The following L3HYPDH variants were observed in gnomAD, a reference collection of about 807,000 sequenced individuals.
L3HYPDH encodes trans-L-3-hydroxyproline dehydratase.
In L3HYPDH, 32 loss-of-function variants were observed where a neutral mutation model predicts 26.5. The observed-to-expected ratio is 1.21, with a 90% CI of 0.91 to 1.62. The LOEUF is 1.62. Among genes scored for constraint, L3HYPDH ranks in the 40% most tolerant of loss-of-function variants. L3HYPDH has a pLI of 0.00. For synonymous variants in L3HYPDH, 215 were observed against 196.6 expected, an observed-to-expected ratio of 1.09 and a Z score of -0.78; for missense variants, 554 against 476.4, an observed-to-expected ratio of 1.16 and a Z score of -1.52.
the L3HYPDH span, among the ~76,000 whole-genome samples, chr14:59,496,655 T>A: frequency 2.6e-5 from 4 of 152,212 alleles, no homozygotes; most frequent in Admixed American, 1.3e-4. Flanking sequence ...TTCTGCTGAT[T>A]TGAGTGTAGC....
chr14:59,478,031 AG>A (rs2139814571), intron 2 of L3HYPDH, among the ~76,000 whole-genome samples: 1 of 152,294 alleles, frequency 6.6e-6, no homozygotes, highest in East Asian at 1.9e-4. Flanking sequence ...TAAAAACTAG[AG>A]TTATTTAAGT....
intron 1 of L3HYPDH, among the ~76,000 whole-genome samples, chr14:59,466,201 C>A (rs551617556): frequency 2.4e-4 from 37 of 152,278 alleles, no homozygotes; most frequent in Admixed American, 1.8e-3. Context: ...CTGCTAGCAG[C>A]CTTCATCTGT....
Position 59,479,036 on chromosome 14 carries a change from C to G in L3HYPDH, c.678+146G>C. 4.8e-6 allele frequency: 3 copies of G among 631,172 alleles called. No individual in the cohort carries two copies. In the South Asian group the frequency reaches 9.7e-5, roughly 20 times the overall value. 39.1% of individuals were successfully genotyped at this position (631,172 alleles called of 1,614,324 possible). A position where few individuals can be genotyped will look rare whatever the true frequency, so the allele number is the denominator to read the frequency against. ...AGGCCACGGGTGGGACAAGCTTGCTCTAGAGCCTAAGATTTTAATAAGTAC... is the reference window on the plus strand; with the variant it reads ...AGGCCACGGGTGGGACAAGCTTGCTGTAGAGCCTAAGATTTTAATAAGTAC... On this transcript the variant is annotated intron_variant, in intron 2 of 4. Coordinates refer to ENST00000247194, the MANE Select transcript of L3HYPDH (RefSeq NM_144581.2).
At chr14:59,478,393 G>A (rs1889781382) in intron 2 of L3HYPDH, among the ~76,000 whole-genome samples, 1 of 152,048 alleles carries the variant, frequency 6.6e-6, no homozygotes, top group Non-Finnish European at 1.5e-5. Context: ...GTGACATCCT[G>A]TCTCTATATA....
the L3HYPDH span, chr14:59,504,279 A>AATATT: frequency 1.8e-6 from 1 of 549,414 alleles, no homozygotes; most frequent in East Asian, 3.0e-5. Context: ...TACACAGGGT[A>AATATT]ATATTATCTG....
chr14:59,504,230 T>G, the L3HYPDH span: 1 of 613,592 alleles, frequency 1.6e-6, no homozygotes. Context: ...ATGGTTAGAC[T>G]TACAGACTTG....
At chr14:59,475,362 C>T (rs994023858) in intron 4 of L3HYPDH, among the ~76,000 whole-genome samples, 1 of 152,068 alleles carries the variant, frequency 6.6e-6, no homozygotes, top group African/African-American at 2.4e-5. Flanking sequence ...CTGTTCATTA[C>T]TTCATTTTAA....
At chr14:59,501,424 A>G in the L3HYPDH span, among the ~76,000 whole-genome samples, 4 of 152,198 alleles carry the variant, frequency 2.6e-5, no homozygotes, top group Non-Finnish European at 5.9e-5. Flanking sequence ...TAACTTTATG[A>G]AAAGTTGTGT....
chr14:59,482,808 G>A (rs984862526), intron 1 of L3HYPDH, among the ~76,000 whole-genome samples: 1 of 152,180 alleles, frequency 6.6e-6, no homozygotes, highest in South Asian at 2.1e-4. Context: ...CAGATGATTT[G>A]CATGGCTTGA....
the L3HYPDH span, among the ~76,000 whole-genome samples, chr14:59,490,441 G>A: frequency 0.035 from 5,260 of 152,310 alleles, 156 homozygotes; most frequent in Middle Eastern, 0.1. Context: ...TCGTTTATTG[G>A]TGAAGGTCTG....
At chr14:59,465,556 G>A (rs940141209) in intron 1 of L3HYPDH, among the ~76,000 whole-genome samples, 4 of 152,232 alleles carry the variant, frequency 2.6e-5, no homozygotes, top group South Asian at 2.1e-4. Flanking sequence ...ACCAATGTCC[G>A]GCCAGATAAA....
intron 1 of L3HYPDH, among the ~76,000 whole-genome samples, chr14:59,466,718 T>C (rs1460316755): frequency 6.6e-6 from 1 of 152,240 alleles, no homozygotes; most frequent in Admixed American, 6.5e-5. Flanking sequence ...ACAGTATAAA[T>C]AGAAGAACGT....
At chr14:59,482,493 A>G (rs909363381) in intron 1 of L3HYPDH, among the ~76,000 whole-genome samples, 1 of 152,078 alleles carries the variant, frequency 6.6e-6, no homozygotes, top group Admixed American at 6.5e-5. Context: ...AGAAGTCTAG[A>G]GTGTTTCTAC....
At chr14:59,502,649 AT>A in the L3HYPDH span, among the ~76,000 whole-genome samples, 1 of 152,126 alleles carries the variant, frequency 6.6e-6, no homozygotes, top group African/African-American at 2.4e-5. Flanking sequence ...TTGAAATATA[AT>A]TAAAGAAGAT....
At chr14:59,502,811 G>A in the L3HYPDH span, among the ~76,000 whole-genome samples, 1 of 87,554 alleles carries the variant, frequency 1.1e-5, no homozygotes, top group Admixed American at 1.8e-4. Context: ...GAGTGCAGTG[G>A]TGCAGTCTTG....
At chr14:59,474,429 A>C in intron 4 of L3HYPDH, 1 of 670,982 alleles carries the variant, frequency 1.5e-6, no homozygotes, top group Non-Finnish European at 2.7e-6. Flanking sequence ...AAATGCATCT[A>C]CTTGCCAACC....
At chr14:59,478,959 A>G (rs1038510495) in intron 2 of L3HYPDH, 14 of 409,808 alleles carry the variant, frequency 3.4e-5, no homozygotes, top group African/African-American at 2.3e-4. Flanking sequence ...GAAAGTTTAC[A>G]AAATTTGTGT....
upstream of L3HYPDH, among the ~76,000 whole-genome samples, chr14:59,489,230 A>T (rs549125333): frequency 6.6e-6 from 1 of 152,322 alleles, no homozygotes; most frequent in South Asian, 2.1e-4. Flanking sequence ...CTTTGCTCCC[A>T]CATCTATCTG....
At chr14:59,468,671 G>T (rs1199668231), downstream of L3HYPDH, among the ~76,000 whole-genome samples, 1 of 152,108 alleles carries the variant, frequency 6.6e-6, no homozygotes, top group Non-Finnish European at 1.5e-5. Context: ...ACTATATGAG[G>T]ACCTAAACCT....
Sources: allele counts gnomAD v4.1 joint callset (sites outside exome capture counted in the v4.1 genomes callset), GRCh38; gene constraint gnomAD v4.1.1; transcripts MANE v1.5; gene names NCBI Gene and HGNC (gene_info 2026-07-23, HGNC 2026-07-21).